The following MOB3B variants were observed in gnomAD, a reference collection of about 807,000 sequenced individuals.
The protein encoded by MOB3B is MOB kinase activator-like 2B.
MOB3B carries 7 observed loss-of-function variants against 18.7 expected under a neutral mutation model. The ratio of observed to expected loss-of-function variants is 0.37; its 90% CI spans 0.21 to 0.70. MOB3B has a LOEUF of 0.70. MOB3B is among the 30% of genes least tolerant of loss of function. The pLI is 0.52. For synonymous variants in MOB3B, 111 were observed against 99.9 expected (o/e 1.11, Z -0.66); for missense variants, 253 against 281.3 (o/e 0.90, Z 0.72).
At chr9:27,386,958 T>G (rs1446135004) in intron 2 of MOB3B, among the ~76,000 whole-genome samples, 1 of 152,194 alleles carries the variant, frequency 6.6e-6, no homozygotes, top group Non-Finnish European at 1.5e-5. Context: ...GTTGCCACAG[T>G]AATGCAAATG....
At position 27,455,139 on chromosome 9, in the gene MOB3B, A is replaced by G; in HGVS notation, c.412T>C (p.Cys138Arg). The G allele has an allele frequency of 6.2e-7, 1 of 1,614,146 alleles. No individual in the cohort carries two copies. Among genetic ancestry groups the G allele is most frequent in the Non-Finnish European group, 8.5e-7 (1 of 1,180,008 alleles). Residue 138 changes from cysteine (C) to arginine (R), a missense_variant, in exon 2 of 4, where the codon TGC becomes CGC. Coordinates refer to ENST00000262244, the MANE Select transcript of MOB3B (RefSeq NM_024761.5). ...QINNEEIFPTCVGVPFPKNFL... is the reference protein window; with the variant it reads ...QINNEEIFPTRVGVPFPKNFL... ...GAGCTGGTAATGAACTTACCCACGC[A>G]TGTTGGAAATATTTCCTCGTTGTTG...
chr9:27,348,163 C>T (rs558687116), intron 3 of MOB3B, among the ~76,000 whole-genome samples: 26 of 152,058 alleles, frequency 1.7e-4, no homozygotes, highest in Non-Finnish European at 2.9e-4. Flanking sequence ...GGAGTTTTCA[C>T]GGAGTCAGAT....
intron 3 of MOB3B, among the ~76,000 whole-genome samples, chr9:27,336,517 AC>A (rs1820865370): frequency 6.6e-6 from 1 of 152,002 alleles, no homozygotes; most frequent in Admixed American, 6.6e-5. Context: ...GAGCAGGAGG[AC>A]CCTTGGTGCT....
intron 3 of MOB3B, among the ~76,000 whole-genome samples, chr9:27,347,747 T>G (rs1426134188): frequency 6.6e-6 from 1 of 152,256 alleles, no homozygotes; most frequent in Admixed American, 6.5e-5. Context: ...TCACACTGTA[T>G]TTTTACTGTA....
At chr9:27,409,182 C>T (rs970599443) in intron 2 of MOB3B, among the ~76,000 whole-genome samples, 4 of 152,220 alleles carry the variant, frequency 2.6e-5, no homozygotes, top group Admixed American at 1.3e-4. Flanking sequence ...TGTCTTACTA[C>T]GTGCCAGTTA....
intron 1 of MOB3B, among the ~76,000 whole-genome samples, chr9:27,493,903 G>A (rs1404417995): frequency 6.6e-6 from 1 of 152,172 alleles, no homozygotes; most frequent in African/African-American, 2.4e-5. Flanking sequence ...CTGACCACCG[G>A]TGAGCCGGGC....
chr9:27,487,347 G>A (rs892769661), intron 1 of MOB3B, among the ~76,000 whole-genome samples: 1 of 151,990 alleles, frequency 6.6e-6, no homozygotes, highest in African/African-American at 2.4e-5. Flanking sequence ...CCTGCCCAGA[G>A]ATCGGTTTAC....
chr9:27,339,435 A>T (rs1820909894), intron 3 of MOB3B, among the ~76,000 whole-genome samples: 1 of 152,246 alleles, frequency 6.6e-6, no homozygotes, highest in African/African-American at 2.4e-5. Flanking sequence ...AGGTCACAAG[A>T]GTCAGAGTGA....
intron 1 of MOB3B, among the ~76,000 whole-genome samples, chr9:27,519,067 A>G (rs1820285419): frequency 6.6e-6 from 1 of 152,354 alleles, no homozygotes; most frequent in East Asian, 1.9e-4. Context: ...AGTATAGGAC[A>G]TTAAATGGAC....
In MOB3B at chr9:27,359,173, A is replaced by G. The variant is rs745800217; in HGVS notation, c.482T>C (p.Val161Ala). The change falls in exon 3 of 4, where the codon GTC (valine) becomes GCC (alanine). Residue 161 changes from valine (V) to alanine (A), a missense_variant. Val to Ala is a moderately conservative substitution (Grantham distance 64). Coordinates refer to ENST00000262244, the MANE Select transcript of MOB3B (RefSeq NM_024761.5). ...CKKILCRLFR[V>A]FVHVYIHHFD... ...GTGGTGGATATAGACGTGGACAAAG[A>G]CCCGGAAAAGGCGGCACAGGATCTT... 1 of 1,614,140 alleles carries G rather than the reference A, an allele frequency of 6.2e-7. No homozygotes were observed.
At chr9:27,364,136 G>A (rs1821312062) in intron 2 of MOB3B, among the ~76,000 whole-genome samples, 1 of 152,218 alleles carries the variant, frequency 6.6e-6, no homozygotes, top group South Asian at 2.1e-4. Context: ...GCAATTGGAA[G>A]AAGAAAGGCA....
At chr9:27,358,775 T>C in intron 3 of MOB3B, 2 of 681,048 alleles carry the variant, frequency 2.9e-6, no homozygotes, top group Non-Finnish European at 5.5e-6. Context: ...AAGTTAAAGC[T>C]ACTCCCTCTG....
chr9:27,327,550 C>CCACACACACACA lies in MOB3B; in HGVS notation c.*3025_*3036dup, dbSNP rs143901988. The CCACACACACACA allele has an allele frequency of 6.1e-4, 92 of 151,182 alleles. No individual in the cohort carries two copies. Among genetic ancestry groups the CCACACACACACA allele is most frequent in the African/African-American group, 2.2e-3 (89 of 41,232 alleles). The allele number at this position is 151,182 out of a possible 1,614,324, so 9.4% of individuals were successfully genotyped here. On this transcript the variant is annotated 3_prime_UTR_variant, in exon 4 of 4. Coordinates refer to ENST00000262244, the MANE Select transcript of MOB3B (RefSeq NM_024761.5). ...TAATGTCAGTGTCATGAAAGACACA[C>CCACACACACACA]CACACACACACACACTGCACATCAT... is the stretch of plus-strand genomic sequence containing the variant.
At chr9:27,405,955 C>A (rs926005137) in intron 2 of MOB3B, among the ~76,000 whole-genome samples, 1 of 152,014 alleles carries the variant, frequency 6.6e-6, no homozygotes, top group Non-Finnish European at 1.5e-5. Context: ...TATAACATAC[C>A]CATAGCTAGA....
intron 1 of MOB3B, among the ~76,000 whole-genome samples, chr9:27,484,991 C>G (rs17779445): frequency 0.055 from 8,443 of 152,170 alleles, 259 homozygotes; most frequent in South Asian, 0.099. Flanking sequence ...TGAACCACCC[C>G]GGAAAATTGG....
At chr9:27,382,551 T>C (rs1445031112) in intron 2 of MOB3B, among the ~76,000 whole-genome samples, 1 of 152,120 alleles carries the variant, frequency 6.6e-6, no homozygotes, top group Non-Finnish European at 1.5e-5. Flanking sequence ...TGTTGTGAGT[T>C]CCTTCACCAT....
intron 3 of MOB3B, among the ~76,000 whole-genome samples, chr9:27,354,533 A>T (rs1316199851): frequency 1.3e-5 from 2 of 152,194 alleles, no homozygotes; most frequent in African/African-American, 4.8e-5. Flanking sequence ...ATCTGACAGG[A>T]TGAAGCATTA....
At chr9:27,406,512 A>T (rs544868503) in intron 2 of MOB3B, among the ~76,000 whole-genome samples, 124 of 152,366 alleles carry the variant, frequency 8.1e-4, no homozygotes, top group South Asian at 7.0e-3. Flanking sequence ...AGTAATTAAA[A>T]CAGCATGATA....
chr9:27,455,407 C>T lies in MOB3B; in HGVS notation c.144G>A (p.Val48=). Residue 48 remains valine (V), a synonymous_variant, in exon 2 of 4, where the codon GTG becomes GTA. Transcript: ENST00000262244. ...TCTGGTCCTCCCCACTGGGCAACTG[C>T]ACAGCCGCCTTCAGGTCCACACCCG... ...LNSGVDLKAA[V]QLPSGEDQND... The T allele has an allele frequency of 1.9e-6, 3 of 1,614,218 alleles. No individual in the cohort carries two copies. Among genetic ancestry groups the T allele is most frequent in the Non-Finnish European group, 2.5e-6 (3 of 1,180,032 alleles).
Sources: gnomAD v4.1 joint callset for allele counts (sites outside exome capture counted in the v4.1 genomes callset) on GRCh38, gnomAD v4.1.1 for gene constraint, MANE v1.5 for transcripts, NCBI Gene and HGNC (gene_info 2026-07-23, HGNC 2026-07-21) for gene names.